Variants in CRACD observed in about 807,000 individuals in gnomAD.
The protein encoded by CRACD is capping protein inhibiting regulator of actin dynamics.
A neutral mutation model predicts 106.8 loss-of-function variants in CRACD; 56 were observed. That is an observed-to-expected ratio of 0.52 (90% CI 0.42 to 0.66). The LOEUF (loss-of-function observed/expected upper bound fraction) is 0.66. CRACD is among the 30% of genes least tolerant of loss of function. The probability of loss-of-function intolerance (pLI) is 0.00; values close to 1 mark genes in which losing one functional copy is unlikely to be tolerated. For synonymous variants in CRACD, 754 were observed against 670.8 expected (o/e 1.12, Z -1.92); for missense variants, 1,730 against 1,623.2 (o/e 1.07, Z -1.13).
chr4:56,104,658 G>A (rs1733885062), intron 1 of CRACD, among the ~76,000 whole-genome samples: 1 of 152,170 alleles, frequency 6.6e-6, no homozygotes, highest in Non-Finnish European at 1.5e-5. Flanking sequence ...CAGGGATGCT[G>A]GACAGAAGCT....
chr4:56,293,272 C>G (rs1577868762), intron 3 of CRACD, among the ~76,000 whole-genome samples: 2 of 152,108 alleles, frequency 1.3e-5, no homozygotes, highest in East Asian at 1.9e-4. Context: ...AAATGGGGCA[C>G]AACAGTATTT....
At chr4:56,312,410 G>A (rs1033712727) in intron 6 of CRACD, among the ~76,000 whole-genome samples, 17 of 152,112 alleles carry the variant, frequency 1.1e-4, no homozygotes, top group African/African-American at 2.2e-4. Flanking sequence ...TGATCTGCCC[G>A]CTTCAGCCTC....
At chr4:56,108,484 G>C (rs574824086) in intron 1 of CRACD, among the ~76,000 whole-genome samples, 4 of 152,272 alleles carry the variant, frequency 2.6e-5, no homozygotes, top group Non-Finnish European at 5.9e-5. Flanking sequence ...GGGCTTAGCG[G>C]GTGTTCTCCC....
chr4:56,313,053 T>C lies in CRACD; in HGVS notation c.355-144T>C, dbSNP rs1444987282. 3 of 704,816 alleles carry C rather than the reference T, an allele frequency of 4.3e-6. No individual in the cohort carries two copies. In the East Asian group the frequency reaches 7.6e-5, roughly 18 times the overall value. 43.7% of individuals were successfully genotyped at this position (704,816 alleles called of 1,614,324 possible). On this transcript the variant is annotated intron_variant, in intron 6 of 10. Transcript: ENST00000682029. ...GGTTCCAAAACGGGTGTTCATTTCA[T>C]TTTCTGAGGAGTTCCCTCTGCTCAC... is the stretch of plus-strand genomic sequence containing the variant.
At chr4:56,144,889 A>G (rs1370413324) in intron 1 of CRACD, among the ~76,000 whole-genome samples, 1 of 152,062 alleles carries the variant, frequency 6.6e-6, no homozygotes. Context: ...CCTGAGCTCA[A>G]GTGATCCACC....
rs559715959 is a variant in CRACD at position 56,269,305 on chromosome 4, C to T, written c.-188-3016C>T. On this transcript the variant is annotated intron_variant, in intron 2 of 10. Transcript: ENST00000682029. ...GGCTGAGGCATGAGAATTGCTTGAACCCGGGAGGTGGAGGTTACAGTGAGC... is the reference window on the plus strand; with the variant it reads ...GGCTGAGGCATGAGAATTGCTTGAATCCGGGAGGTGGAGGTTACAGTGAGC... Among the ~76,000 whole-genome samples the T allele has an allele frequency of 9.0e-4, 137 of 152,094 alleles. 1 individual carries two copies. Among genetic ancestry groups the T allele is most frequent in the Non-Finnish European group, 1.3e-3 (87 of 67,994 alleles).
chr4:56,307,493 T>C (rs1475451737), intron 4 of CRACD, 42 bp from the exon 5 acceptor site: 1 of 1,605,314 alleles, frequency 6.2e-7, no homozygotes, highest in Non-Finnish European at 8.5e-7. Context: ...GGTTGTGAAC[T>C]GCTTCACTGC....
intron 2 of CRACD, among the ~76,000 whole-genome samples, chr4:56,184,375 T>C (rs1315989809): frequency 1.3e-5 from 2 of 152,174 alleles, no homozygotes; most frequent in Non-Finnish European, 2.9e-5. Context: ...CTGGCCAACA[T>C]TTATTTTCTT....
chr4:56,257,483 T>A (rs1411534227), intron 2 of CRACD, among the ~76,000 whole-genome samples: 2 of 149,052 alleles, frequency 1.3e-5, no homozygotes, highest in African/African-American at 5.0e-5. Flanking sequence ...CACCCAAGAG[T>A]TTGAGACCAG....
intron 2 of CRACD, among the ~76,000 whole-genome samples, chr4:56,249,534 A>G (rs949713760): frequency 6.6e-6 from 1 of 151,780 alleles, no homozygotes; most frequent in African/African-American, 2.4e-5. Context: ...TTGCCTGTTC[A>G]CTCTGATGGT....
At chr4:56,124,712 T>A (rs1226008840) in intron 1 of CRACD, among the ~76,000 whole-genome samples, 1 of 152,254 alleles carries the variant, frequency 6.6e-6, no homozygotes, top group Non-Finnish European at 1.5e-5. Flanking sequence ...TCTCTTTTTT[T>A]TCTTAACATT....
chr4:56,309,029 A>G (rs1261229606), intron 5 of CRACD: 2 of 526,326 alleles, frequency 3.8e-6, no homozygotes, highest in African/African-American at 1.9e-5. Context: ...ACAACAAACA[A>G]GTCAACCAGT....
chr4:56,212,277 A>C (rs2109493473), intron 2 of CRACD, among the ~76,000 whole-genome samples: 1 of 152,350 alleles, frequency 6.6e-6, no homozygotes, highest in South Asian at 2.1e-4. Context: ...ATATAGTCTA[A>C]AACAGGGAGG....
At chr4:56,283,447 G>A (rs1743150258) in intron 3 of CRACD, among the ~76,000 whole-genome samples, 1 of 152,194 alleles carries the variant, frequency 6.6e-6, no homozygotes, top group Non-Finnish European at 1.5e-5. Flanking sequence ...ACCTTGCTGT[G>A]TGTAGCTCTG....
intron 2 of CRACD, among the ~76,000 whole-genome samples, chr4:56,190,502 T>C (rs1345266248): frequency 6.6e-6 from 1 of 152,234 alleles, no homozygotes; most frequent in African/African-American, 2.4e-5. Context: ...AAAATGTTTA[T>C]GGTTAAATAC....
intron 1 of CRACD, among the ~76,000 whole-genome samples, chr4:56,149,641 G>A (rs1002184525): frequency 6.6e-6 from 1 of 152,152 alleles, no homozygotes; most frequent in Non-Finnish European, 1.5e-5. Flanking sequence ...GATGATTTTT[G>A]TTCAAAGTAT....
At position 56,214,885 on chromosome 4, in the gene CRACD, G is replaced by A. The variant is rs997323357; in HGVS notation, c.-189+35455G>A. On this transcript the variant is annotated intron_variant, in intron 2 of 10. Coordinates refer to ENST00000682029, the MANE Select transcript of CRACD (RefSeq NM_001393381.1). ...AAATTGGTTGGGTGTGGTGGTGTGC[G>A]CCTATAATCCCGGCTGAGGCAGGAG... 1.3e-4 allele frequency among the ~76,000 whole-genome samples: 19 copies of A among 149,202 alleles called. 1 individual carries two copies. Among genetic ancestry groups the A allele is most frequent in the East Asian group, 4.1e-4 (2 of 4,926 alleles).
Position 56,293,484 on chromosome 4 carries a change from G to A in CRACD, c.-16-4730G>A, listed in dbSNP as rs73163642. ...AAGATAGCTGTATTAGTGTGCTCTT[G>A]CACTGCTCTGAAGAAATACCTGAGA... On this transcript the variant is annotated intron_variant, in intron 3 of 10. Transcript: ENST00000682029. 2.5e-3 allele frequency among the ~76,000 whole-genome samples: 387 copies of A among 152,290 alleles called. 5 individuals are homozygous for A. The highest frequency in any genetic ancestry group is 9.1e-3 in the African/African-American group (379 of 41,554).
chr4:56,144,909 C>T (rs1378617781), intron 1 of CRACD, among the ~76,000 whole-genome samples: 6 of 152,144 alleles, frequency 3.9e-5, no homozygotes, highest in Non-Finnish European at 8.8e-5. Context: ...CTGCCTCAGC[C>T]TCCCAAAGTG....
Sources: gnomAD v4.1 joint callset for allele counts (sites outside exome capture counted in the v4.1 genomes callset) on GRCh38, gnomAD v4.1.1 for gene constraint, MANE v1.5 for transcripts, NCBI Gene and HGNC (gene_info 2026-07-23, HGNC 2026-07-21) for gene names.